Variants in REEP1 observed in about 807,000 individuals in gnomAD.
REEP1 encodes the protein receptor expression-enhancing protein 1.
REEP1 carries 22 observed loss-of-function variants against 40.3 expected under a neutral mutation model. The observed-to-expected ratio is 0.55, with a 90% confidence interval of 0.39 to 0.78. The LOEUF is 0.78. Among genes scored for constraint, REEP1 ranks in the 30% least tolerant of loss-of-function variants. The pLI, the probability that REEP1 is intolerant of heterozygous loss-of-function variation, is 0.00. For missense variants in REEP1, 280 were observed against 361.1 expected, an observed-to-expected ratio of 0.78 and a Z score of 1.82; for synonymous variants, 116 against 139.2, an observed-to-expected ratio of 0.83 and a Z score of 1.17.
At chr2:86,318,897 G>A (rs562803363) in intron 1 of REEP1, among the ~76,000 whole-genome samples, 34 of 152,292 alleles carry the variant, frequency 2.2e-4, no homozygotes, top group Admixed American at 2.2e-3. Flanking sequence ...TTTTCGTACT[G>A]TTCTTTCAAC....
At chr2:86,245,839 A>G (rs1214809338) in intron 5 of REEP1, among the ~76,000 whole-genome samples, 2 of 147,858 alleles carry the variant, frequency 1.4e-5, no homozygotes, top group Non-Finnish European at 3.0e-5. Flanking sequence ...ATCTTGGCTC[A>G]CTGCAAGCTC....
intron 7 of REEP1, among the ~76,000 whole-genome samples, chr2:86,224,748 C>T (rs1342385678): frequency 6.6e-6 from 1 of 152,230 alleles, no homozygotes; most frequent in Non-Finnish European, 1.5e-5. Context: ...CCTGGACACA[C>T]TCTTATGCAC....
At position 86,271,917 on chromosome 2, in the gene REEP1, A is replaced by G. The variant is rs1279686498; in HGVS notation, c.106-7876T>C. Among the ~76,000 whole-genome samples, 3 of 152,192 alleles carry G rather than the reference A, an allele frequency of 2.0e-5. No individual in the cohort carries two copies. In the South Asian group the frequency reaches 6.2e-4, roughly 32 times the overall value. ...CAATTAGAGCAAAAGGACAATGATA[A>G]CAATTTTAAAAATCCCTCTCCTTGG... is the stretch of plus-strand genomic sequence containing the variant. On this transcript the variant is annotated intron_variant, in intron 2 of 8. Coordinates refer to ENST00000538924, the MANE Select transcript of REEP1 (RefSeq NM_001371279.1).
At chr2:86,319,708 G>GA (rs1235842463) in intron 1 of REEP1, among the ~76,000 whole-genome samples, 4 of 149,002 alleles carry the variant, frequency 2.7e-5, no homozygotes, top group African/African-American at 4.9e-5. Flanking sequence ...AGAAAAGAAC[G>GA]AAAAAAAAAG....
chr2:86,228,318 G>A (rs1005558760), intron 6 of REEP1, among the ~76,000 whole-genome samples: 1 of 152,128 alleles, frequency 6.6e-6, no homozygotes, highest in African/African-American at 2.4e-5. Context: ...TGACCGTGCA[G>A]GGACAGTCTT....
intron 3 of REEP1, among the ~76,000 whole-genome samples, chr2:86,257,214 A>G (rs1676609175): frequency 6.6e-6 from 1 of 152,218 alleles, no homozygotes; most frequent in Admixed American, 6.5e-5. Flanking sequence ...CCAAGGGGAA[A>G]GGAAATGAAT....
intron 1 of REEP1, chr2:86,297,800 G>GATCCCCC: frequency 3.5e-6 from 3 of 868,862 alleles, no homozygotes; most frequent in Non-Finnish European, 4.1e-6. Flanking sequence ...AAGACTCTGG[G>GATCCCCC]GGATCTCAGA....
At chr2:86,301,827 G>A (rs1573012529) in intron 1 of REEP1, among the ~76,000 whole-genome samples, 1 of 152,330 alleles carries the variant, frequency 6.6e-6, no homozygotes, top group East Asian at 1.9e-4. Flanking sequence ...CTGTCCAAGA[G>A]GCTGCAAGTT....
At chr2:86,305,664 C>G (rs907371302) in intron 1 of REEP1, among the ~76,000 whole-genome samples, 32 of 152,192 alleles carry the variant, frequency 2.1e-4, no homozygotes, top group African/African-American at 6.8e-4. Context: ...CACTGAAGAC[C>G]CCTGCCCTCT....
intron 1 of REEP1, among the ~76,000 whole-genome samples, chr2:86,305,992 C>A (rs893197350): frequency 6.6e-6 from 1 of 152,162 alleles, no homozygotes; most frequent in Non-Finnish European, 1.5e-5. Flanking sequence ...GGAGTAAAGT[C>A]TTATGTGGAC....
chr2:86,269,936 A>G (rs1303907769), intron 2 of REEP1, among the ~76,000 whole-genome samples: 2 of 152,136 alleles, frequency 1.3e-5, no homozygotes, highest in Non-Finnish European at 2.9e-5. Context: ...TATATATCTG[A>G]TACAGGACTT....
chr2:86,217,126 G>A lies in REEP1; in HGVS notation c.784-16C>T, dbSNP rs182467924. The A allele has an allele frequency of 2.0e-4, 319 of 1,608,640 alleles. 2 individuals carry two copies. In the African/African-American group the frequency reaches 3.8e-3, roughly 19 times the overall value. ...TAGGCGGTGCCTGGTAGAGAAAACA[G>A]AAAGGTGTCCCTCAGTTTGGTGTAA... On this transcript the variant is annotated splice_polypyrimidine_tract_variant and intron_variant, in intron 8 of 8. Transcript: ENST00000538924.
chr2:86,334,310 C>G (rs1206073170), intron 1 of REEP1, among the ~76,000 whole-genome samples: 1 of 152,176 alleles, frequency 6.6e-6, no homozygotes, highest in African/African-American at 2.4e-5. Context: ...TCTATCCTCA[C>G]AACACAGTGA....
At chr2:86,309,212 G>A (rs1052737943) in intron 1 of REEP1, among the ~76,000 whole-genome samples, 9 of 152,038 alleles carry the variant, frequency 5.9e-5, no homozygotes, top group Non-Finnish European at 8.8e-5. Context: ...ACTTCCCCTC[G>A]GCCTCCCGTC....
rs1558870343 is a variant in REEP1 at position 86,226,397 on chromosome 2, TAG to T, written c.631+964_631+965del. ...AGGACTTCATCATTTCAGAGGACCT[TAG>T]TCCTCTGAAGTTCCTGTGTCCTTAC... On this transcript the variant is annotated intron_variant, in intron 7 of 8. Transcript: ENST00000538924. 1.5e-3 allele frequency among the ~76,000 whole-genome samples: 96 copies of T among 65,790 alleles called. 11 individuals carry two copies. Among genetic ancestry groups the T allele is most frequent in the Non-Finnish European group, 2.2e-3 (40 of 18,472 alleles). 43.2% of individuals were successfully genotyped at this position (65,790 alleles called of 152,430 possible). A position where few individuals can be genotyped will look rare whatever the true frequency, so the allele number is the denominator to read the frequency against.
intron 4 of REEP1, among the ~76,000 whole-genome samples, chr2:86,252,293 G>A (rs1245234176): frequency 6.6e-6 from 1 of 152,090 alleles, no homozygotes; most frequent in Non-Finnish European, 1.5e-5. Flanking sequence ...CGGATCCAGC[G>A]ATGCCCTGAG....
At chr2:86,306,381 A>G (rs1050269778) in intron 1 of REEP1, among the ~76,000 whole-genome samples, 1 of 152,174 alleles carries the variant, frequency 6.6e-6, no homozygotes, top group Non-Finnish European at 1.5e-5. Flanking sequence ...CACAGAATAC[A>G]CAAAAATATT....
chr2:86,219,595 G>A (rs972457127), intron 8 of REEP1, among the ~76,000 whole-genome samples: 8 of 151,908 alleles, frequency 5.3e-5, no homozygotes, highest in African/African-American at 1.2e-4. Flanking sequence ...ACAGGTGCGC[G>A]CCACTACACC....
intron 1 of REEP1, among the ~76,000 whole-genome samples, chr2:86,285,476 C>T (rs921638056): frequency 1.3e-5 from 2 of 152,138 alleles, no homozygotes; most frequent in Non-Finnish European, 2.9e-5. Flanking sequence ...ACAAGCTGTA[C>T]TCACTCTTTC....
Sources: gnomAD v4.1 joint callset for allele counts (sites outside exome capture counted in the v4.1 genomes callset) on GRCh38, gnomAD v4.1.1 for gene constraint, MANE v1.5 for transcripts, NCBI Gene and HGNC (gene_info 2026-07-23, HGNC 2026-07-21) for gene names.